MCF2: variants seen among roughly 807,000 people sequenced by gnomAD.
MCF2 encodes MCF.2 cell line derived transforming sequence, also known as proto-oncogene DBL.
A neutral mutation model predicts 82.5 loss-of-function variants in MCF2; 44 were observed. That is an observed-to-expected ratio of 0.53 (90% CI 0.42 to 0.69). The LOEUF (loss-of-function observed/expected upper bound fraction) is 0.69, where lower values mean the gene tolerates loss of function less well. Among genes scored for constraint, MCF2 ranks in the 30% least tolerant of loss-of-function variants. The pLI, the probability that MCF2 is intolerant of heterozygous loss-of-function variation, is 0.00. For synonymous variants in MCF2, 217 were observed against 224.9 expected (o/e 0.96, Z 0.32); for missense variants, 623 against 663.1 (o/e 0.94, Z 0.66).
intron 1 of MCF2, among the ~76,000 whole-genome samples, chrX:139,701,898 G>A (rs1935506536): frequency 8.9e-6 from 1 of 112,015 alleles, no homozygotes; most frequent in Non-Finnish European, 1.9e-5. Context: ...AAAATGATCT[G>A]GGCCCTGCCT....
exon 7 of MCF2, chrX:139,619,680 T>G (rs1932188750): frequency 8.5e-7 from 1 of 1,180,699 alleles, no homozygotes; most frequent in African/African-American, 1.8e-5. Flanking sequence ...CTTGTTGGTT[T>G]AATAGAAATT....
chrX:139,602,327 T>C (rs1257336864), intron 16 of MCF2, 79 bp downstream of exon 20: 2 of 794,378 alleles, frequency 2.5e-6, no homozygotes, highest in East Asian at 3.2e-5. Context: ...GTACTTAAAG[T>C]AGAAAATGAA....
intron 1 of MCF2, among the ~76,000 whole-genome samples, chrX:139,664,637 C>T (rs955868420): frequency 6.2e-5 from 7 of 112,451 alleles, no homozygotes; most frequent in African/African-American, 1.3e-4. Flanking sequence ...AATCAGGGAC[C>T]GCATGAGCCC....
chrX:139,605,878 G>A (rs1930963406), intron 12 of MCF2, 99 bp from the exon 17 acceptor site: 1 of 602,320 alleles, frequency 1.7e-6, no homozygotes. Flanking sequence ...AATAGCTAAT[G>A]CATAGGAATT....
chrX:139,694,469 T>C (rs1394914842), intron 1 of MCF2, among the ~76,000 whole-genome samples: 1 of 104,471 alleles, frequency 9.6e-6, no homozygotes, highest in Non-Finnish European at 2.0e-5. Context: ...AAAGCTGCAA[T>C]AATCAAATCA....
intron 6 of MCF2, among the ~76,000 whole-genome samples, chrX:139,624,910 T>C (rs1932669803): frequency 9.0e-6 from 1 of 110,744 alleles, no homozygotes; most frequent in Non-Finnish European, 1.9e-5. Flanking sequence ...ATTTGTCAGA[T>C]CAGAAAAAAA....
chrX:139,642,586 T>C (rs777335437), exon 1 of MCF2: 549 of 1,207,609 alleles, frequency 4.5e-4, no homozygotes, highest in Middle Eastern at 1.6e-3. Context: ...TACGAGCTGC[T>C]TCTTGGGTAG....
At chrX:139,601,971 C>A (rs1462886209) in intron 16 of MCF2, among the ~76,000 whole-genome samples, 1 of 111,454 alleles carries the variant, frequency 9.0e-6, no homozygotes, top group Non-Finnish European at 1.9e-5. Flanking sequence ...TATTATACCA[C>A]ATGATTCATC....
intron 1 of MCF2, among the ~76,000 whole-genome samples, chrX:139,665,566 A>T (rs1180110509): frequency 9.0e-6 from 1 of 110,998 alleles, no homozygotes; most frequent in Non-Finnish European, 1.9e-5. Context: ...GAGGGATGGC[A>T]TTGGCAATTC....
rs144609408 is a variant in MCF2 at position 139,620,166 on chromosome X, C to T, written c.688-460G>A. Reference sequence around the variant, plus strand: ...CAGAAGTAATAAGCACATCTCCCACCCAGACCTTGGTCTTTAATACCATTT... The same window carrying T: ...CAGAAGTAATAAGCACATCTCCCACTCAGACCTTGGTCTTTAATACCATTT... On this transcript the variant is annotated intron_variant, in intron 6 of 24. Coordinates refer to ENST00000370576, the Ensembl canonical transcript of MCF2. Among the ~76,000 whole-genome samples the T allele has an allele frequency of 2.7e-4, 30 of 109,480 alleles. 2 individuals carry two copies. The East Asian group carries it at 8.1e-3, about 29-fold the overall frequency.
intron 1 of MCF2, among the ~76,000 whole-genome samples, chrX:139,663,299 C>T (rs1934408184): frequency 8.9e-6 from 1 of 112,154 alleles, no homozygotes; most frequent in South Asian, 3.7e-4. Context: ...TTGTTAAATA[C>T]TTGTTTTGTG....
chrX:139,647,317 T>C (rs1054262543), upstream of MCF2, among the ~76,000 whole-genome samples: 1 of 111,668 alleles, frequency 9.0e-6, no homozygotes, highest in East Asian at 2.8e-4. Flanking sequence ...CTTAGTGTCA[T>C]GGTGAGCAGG....
At chrX:139,616,186 A>G in intron 9 of MCF2, 96 bp downstream of exon 12, 2 of 443,706 alleles carry the variant, frequency 4.5e-6, no homozygotes, top group Non-Finnish European at 7.0e-6. Context: ...GCAATTTGAC[A>G]TAAAGTTAGC....
intron 1 of MCF2, chrX:139,702,263 C>A (rs1048056783): frequency 4.5e-5 from 5 of 112,024 alleles, no homozygotes; most frequent in Non-Finnish European, 9.4e-5. Flanking sequence ...CAACAGGAAC[C>A]CTTTACGTCT....
chrX:139,590,493 T>C (rs766238282), intron 19 of MCF2, among the ~76,000 whole-genome samples: 1 of 110,367 alleles, frequency 9.1e-6, no homozygotes, highest in African/African-American at 3.3e-5. Context: ...AATAATAATA[T>C]GTAATGGGAC....
intron 11 of MCF2, among the ~76,000 whole-genome samples, chrX:139,608,902 G>A (rs958977797): frequency 5.3e-4 from 59 of 111,706 alleles, no homozygotes; most frequent in Admixed American, 2.9e-4. Context: ...AGTTGTGGCC[G>A]TACAGAATAA....
chrX:139,593,896 T>G (rs1929777152), intron 19 of MCF2, among the ~76,000 whole-genome samples: 1 of 110,719 alleles, frequency 9.0e-6, no homozygotes, highest in Non-Finnish European at 1.9e-5. Context: ...ACAAAATCAA[T>G]GTACAAAAAT....
chrX:139,678,525 G>T (rs754272678), intron 1 of MCF2, among the ~76,000 whole-genome samples: 1 of 112,183 alleles, frequency 8.9e-6, no homozygotes, highest in Non-Finnish European at 1.9e-5. Context: ...TAAAGAAAGT[G>T]ATGAGACAGT....
At chrX:139,652,598 G>A (rs1280669867) in intron 1 of MCF2, among the ~76,000 whole-genome samples, 1 of 111,468 alleles carries the variant, frequency 9.0e-6, no homozygotes, top group Non-Finnish European at 1.9e-5. Flanking sequence ...ACTCTATAGG[G>A]GCCAAAAATC....
Sources: allele counts gnomAD v4.1 joint callset (sites outside exome capture counted in the v4.1 genomes callset), GRCh38; gene constraint gnomAD v4.1.1; transcripts MANE v1.5; gene names NCBI Gene and HGNC (gene_info 2026-07-23, HGNC 2026-07-21).